Variants in STPG2 observed in about 807,000 individuals in gnomAD.
STPG2 encodes sperm-tail PG-rich repeat-containing protein 2.
STPG2 carries 56 observed loss-of-function variants against 54.2 expected under a neutral mutation model. The observed-to-expected ratio is 1.03, with a 90% CI of 0.83 to 1.29. STPG2 has a LOEUF of 1.29. STPG2 is among the 50% of genes most tolerant of loss of function. The pLI is 0.00. For synonymous variants in STPG2, 200 were observed against 181.8 expected, an observed-to-expected ratio of 1.10 and a Z score of -0.81; for missense variants, 596 against 544.9, an observed-to-expected ratio of 1.09 and a Z score of -0.93.
intron 5 of STPG2, among the ~76,000 whole-genome samples, chr4:98,040,510 T>C (rs1736916703): frequency 6.6e-6 from 1 of 151,686 alleles, no homozygotes; most frequent in African/African-American, 2.4e-5. Context: ...GTGAGAGATA[T>C]GGGTCCAATT....
At chr4:97,917,507 T>A (rs1731925720) in intron 8 of STPG2, 1 of 152,204 alleles carries the variant, frequency 6.6e-6, no homozygotes, top group Non-Finnish European at 1.5e-5. Context: ...GACTTTCATA[T>A]TTTTTCATTT....
At chr4:97,705,419 A>C (rs1284373842) in intron 10 of STPG2, among the ~76,000 whole-genome samples, 2 of 151,836 alleles carry the variant, frequency 1.3e-5, no homozygotes, top group Non-Finnish European at 2.9e-5. Flanking sequence ...TCCATCTCCC[A>C]AGTTCAAGCG....
At position 97,538,896 on chromosome 4, in the gene STPG2, T is replaced by C. The variant is rs1164624194; in HGVS notation, c.462+173803A>G. ...GAGTGGGGGCCAATATTCAACATTCTTAAAGAAAAGAATTTTCAACCCAGA... is the reference window on the plus strand; with the variant it reads ...GAGTGGGGGCCAATATTCAACATTCCTAAAGAAAAGAATTTTCAACCCAGA... On this transcript the variant is annotated intron_variant, in intron 4 of 4. Coordinates refer to the STPG2 transcript ENST00000522676. Among the ~76,000 whole-genome samples, 4 of 151,944 alleles carry C rather than the reference T, an allele frequency of 2.6e-5. No homozygotes were observed. In the East Asian group the frequency reaches 7.7e-4, roughly 29 times the overall value.
intron 8 of STPG2, among the ~76,000 whole-genome samples, chr4:97,866,508 C>T (rs1206249885): frequency 2.2e-5 from 3 of 139,456 alleles, no homozygotes; most frequent in Non-Finnish European, 3.1e-5. Flanking sequence ...CAGAAAGGGT[C>T]TATTAGGGTA....
In STPG2 at chr4:97,722,797, A is replaced by ATTT. The variant is rs11316033; in HGVS notation, c.1205-9986_1205-9984dup. Among the ~76,000 whole-genome samples the ATTT allele has an allele frequency of 2.1e-3, 256 of 122,664 alleles. 4 individuals are homozygous for ATTT. Among genetic ancestry groups the ATTT allele is most frequent in the African/African-American group, 7.9e-3 (253 of 32,120 alleles). 80.5% of individuals were successfully genotyped at this position (122,664 alleles called of 152,430 possible). A position where few individuals can be genotyped will look rare whatever the true frequency, so the allele number is the denominator to read the frequency against. On this transcript the variant is annotated intron_variant, in intron 9 of 10. Coordinates refer to ENST00000295268, the MANE Select transcript of STPG2 (RefSeq NM_174952.3). ...TTAGTCCATATTTGAGTCTCTGCCA[A>ATTT]TTTTTTTTTTTTTTTTTTGAGACGG...
At chr4:97,803,738 A>G (rs568423492) in intron 9 of STPG2, among the ~76,000 whole-genome samples, 1 of 152,080 alleles carries the variant, frequency 6.6e-6, no homozygotes, top group African/African-American at 2.4e-5. Context: ...ACAGGGTTTC[A>G]CCATGTTGAC....
chr4:97,602,102 T>C (rs1733477702), intron 10 of STPG2, among the ~76,000 whole-genome samples: 1 of 151,874 alleles, frequency 6.6e-6, no homozygotes. Context: ...TGACTGAAGA[T>C]TGCCAAAATC....
At chr4:97,683,254 AAAGG>A (rs1440387948) in intron 10 of STPG2, among the ~76,000 whole-genome samples, 1 of 151,828 alleles carries the variant, frequency 6.6e-6, no homozygotes, top group Non-Finnish European at 1.5e-5. Context: ...TACATACACA[AAAGG>A]AAGCTATTCA....
intron 8 of STPG2, among the ~76,000 whole-genome samples, chr4:97,861,383 C>G (rs960488504): frequency 1.3e-5 from 2 of 152,072 alleles, no homozygotes; most frequent in Admixed American, 1.3e-4. Context: ...AGCCTTTGGC[C>G]ACTGTTGGTG....
At chr4:98,113,408 T>C (rs181721779) in intron 3 of STPG2, among the ~76,000 whole-genome samples, 10 of 152,206 alleles carry the variant, frequency 6.6e-5, no homozygotes, top group African/African-American at 2.4e-4. Flanking sequence ...ATTAACATTA[T>C]TGCAACTCTC....
chr4:97,560,833 C>A (rs931468247), intron 10 of STPG2, among the ~76,000 whole-genome samples: 1 of 152,030 alleles, frequency 6.6e-6, no homozygotes, highest in African/African-American at 2.4e-5. Flanking sequence ...GAGGGGGGAA[C>A]GACTCAGAAA....
At chr4:97,768,871 T>C (rs1028908970) in intron 9 of STPG2, among the ~76,000 whole-genome samples, 1 of 151,966 alleles carries the variant, frequency 6.6e-6, no homozygotes, top group Non-Finnish European at 1.5e-5. Flanking sequence ...CCAGCTAATT[T>C]TTGTATCTTA....
At chr4:97,708,957 AAT>A in intron 10 of STPG2, among the ~76,000 whole-genome samples, 1 of 151,896 alleles carries the variant, frequency 6.6e-6, no homozygotes. Context: ...TATCTTTGTT[AAT>A]TTCTGTACTA....
chr4:98,089,897 T>A (rs1308226864), intron 5 of STPG2, among the ~76,000 whole-genome samples: 1 of 152,214 alleles, frequency 6.6e-6, no homozygotes, highest in Admixed American at 6.5e-5. Context: ...GATGGGAGTA[T>A]TTATTTTTTT....
At chr4:97,979,555 A>G (rs1292947566) in intron 6 of STPG2, among the ~76,000 whole-genome samples, 1 of 152,082 alleles carries the variant, frequency 6.6e-6, no homozygotes, top group East Asian at 1.9e-4. Context: ...AAGAACCACA[A>G]ATAAGAATCC....
chr4:97,747,553 C>T (rs895986295), intron 9 of STPG2, among the ~76,000 whole-genome samples: 2 of 151,324 alleles, frequency 1.3e-5, no homozygotes, highest in African/African-American at 4.8e-5. Flanking sequence ...AATTCTCTGG[C>T]CATGCAAATA....
chr4:97,482,251 T>G (rs1393937362), intron 4 of STPG2, among the ~76,000 whole-genome samples: 4 of 151,540 alleles, frequency 2.6e-5, no homozygotes, highest in Non-Finnish European at 5.9e-5. Context: ...GAAAAAAAAG[T>G]TTTGGATCTA....
chr4:97,635,437 G>A (rs1039066519), intron 10 of STPG2, among the ~76,000 whole-genome samples: 117 of 152,186 alleles, frequency 7.7e-4, no homozygotes, highest in African/African-American at 2.7e-3. Flanking sequence ...ATCAACTAAC[G>A]AGCAAAATAA....
chr4:97,814,022 A>G (rs929673410), intron 9 of STPG2, among the ~76,000 whole-genome samples: 1 of 152,116 alleles, frequency 6.6e-6, no homozygotes, highest in Non-Finnish European at 1.5e-5. Flanking sequence ...AATTGCATAT[A>G]CTCACACCAT....
Sources: allele counts gnomAD v4.1 joint callset (sites outside exome capture counted in the v4.1 genomes callset), GRCh38; gene constraint gnomAD v4.1.1; transcripts MANE v1.5; gene names NCBI Gene and HGNC (gene_info 2026-07-23, HGNC 2026-07-21).